The following MAML3 variants were observed in gnomAD, a reference collection of about 807,000 sequenced individuals.
The protein encoded by MAML3 is mastermind-like protein 3.
MAML3 carries 27 observed loss-of-function variants against 101.9 expected under a neutral mutation model. The ratio of observed to expected loss-of-function variants is 0.27; its 90% CI spans 0.20 to 0.37. The LOEUF is 0.37. MAML3 is among the 10% of genes least tolerant of loss of function. The pLI, the probability that MAML3 is intolerant of heterozygous loss-of-function variation, is 1.00. For synonymous variants in MAML3, 501 were observed against 555.9 expected, an observed-to-expected ratio of 0.90 and a Z score of 1.39; for missense variants, 1,316 against 1,444.9, an observed-to-expected ratio of 0.91 and a Z score of 1.45.
chr4:139,981,400 CA>C (rs1264251420), intron 1 of MAML3, among the ~76,000 whole-genome samples: 1 of 152,076 alleles, frequency 6.6e-6, no homozygotes, highest in Non-Finnish European at 1.5e-5. Context: ...ACATTGTGGG[CA>C]GGGGTTGGGA....
chr4:139,744,981 C>G (rs1055563119), intron 2 of MAML3, among the ~76,000 whole-genome samples: 4 of 152,188 alleles, frequency 2.6e-5, no homozygotes, highest in Non-Finnish European at 5.9e-5. Context: ...CTTCAGTATT[C>G]TCCTTTATGA....
intron 1 of MAML3, among the ~76,000 whole-genome samples, chr4:140,019,345 G>T (rs1393122323): frequency 1.3e-5 from 2 of 152,132 alleles, no homozygotes; most frequent in African/African-American, 2.4e-5. Flanking sequence ...ATATTACAAT[G>T]ATCTGTTTAC....
intron 1 of MAML3, among the ~76,000 whole-genome samples, chr4:140,063,506 AG>A (rs1421995968): frequency 2.0e-5 from 3 of 152,220 alleles, no homozygotes; most frequent in Non-Finnish European, 4.4e-5. Context: ...GGGCCCTCTC[AG>A]CACTATCTCT....
chr4:139,717,253 G>GC lies in MAML3; in HGVS notation c.*2069dup, dbSNP rs148633395. On this transcript the variant is annotated 3_prime_UTR_variant, in exon 5 of 5. Transcript: ENST00000509479. ...GAGGAAGCTTTTAAAAGATAATGGA[G>GC]CCCCCCACCCCTGTCTGTCTCACTT... 0.094 allele frequency: 14,286 copies of GC among 152,492 alleles called. 858 individuals are homozygous for GC. Among genetic ancestry groups the GC allele is most frequent in the East Asian group, 0.26 (1,361 of 5,160 alleles). The allele number at this position is 152,492 out of a possible 1,614,324, so 9.4% of individuals were successfully genotyped here. A position where few individuals can be genotyped will look rare whatever the true frequency, so the allele number is the denominator to read the frequency against.
At chr4:140,085,382 C>G (rs1407125119) in intron 1 of MAML3, among the ~76,000 whole-genome samples, 4 of 152,286 alleles carry the variant, frequency 2.6e-5, no homozygotes, top group Non-Finnish European at 5.9e-5. Flanking sequence ...GCGCAGGCCC[C>G]AGGGCACCCT....
intron 1 of MAML3, among the ~76,000 whole-genome samples, chr4:140,066,660 A>C (rs1481965138): frequency 6.6e-6 from 1 of 152,128 alleles, no homozygotes; most frequent in African/African-American, 2.4e-5. Context: ...CTGAAAAATG[A>C]CTCTATTTCC....
chr4:139,796,710 T>C (rs889542667), intron 2 of MAML3, among the ~76,000 whole-genome samples: 4 of 152,302 alleles, frequency 2.6e-5, no homozygotes, highest in Non-Finnish European at 4.4e-5. Context: ...TAATGAACCA[T>C]GAGGTAGAGG....
At chr4:139,936,045 C>CTCCA (rs2110733122) in intron 1 of MAML3, among the ~76,000 whole-genome samples, 1 of 152,264 alleles carries the variant, frequency 6.6e-6, no homozygotes, top group Non-Finnish European at 1.5e-5. Context: ...TTTTCCCCGC[C>CTCCA]TCCCAGCCTC....
chr4:140,140,593 A>G (rs567902970), intron 1 of MAML3, among the ~76,000 whole-genome samples: 12 of 152,320 alleles, frequency 7.9e-5, no homozygotes, highest in Middle Eastern at 3.4e-3. Context: ...CTATGGGCCC[A>G]GCTAAATGGC....
chr4:140,127,304 A>G (rs1728699734), intron 1 of MAML3, among the ~76,000 whole-genome samples: 1 of 152,232 alleles, frequency 6.6e-6, no homozygotes, highest in Admixed American at 6.5e-5. Flanking sequence ...GGGGAGGGGC[A>G]GTAAACCAGA....
intron 1 of MAML3, among the ~76,000 whole-genome samples, chr4:140,074,590 C>T (rs1021252523): frequency 4.6e-5 from 7 of 152,176 alleles, no homozygotes; most frequent in South Asian, 4.1e-4. Flanking sequence ...CAGTCTATTC[C>T]GCATCCCAGC....
Position 139,719,165 on chromosome 4 carries a change from G to T in MAML3, c.*158C>A. 2 of 775,690 alleles carry T rather than the reference G, an allele frequency of 2.6e-6. No homozygotes were observed. Among genetic ancestry groups the T allele is most frequent in the Admixed American group, 3.2e-5 (1 of 31,302 alleles). The allele number at this position is 775,690 out of a possible 1,614,324, so 48.1% of individuals were successfully genotyped here. ...AGGTGAAATGAGGCCTGGTGGGGCTGTGGATTGGCACCTGGATCTTCCATT... is the reference window on the plus strand; with the variant it reads ...AGGTGAAATGAGGCCTGGTGGGGCTTTGGATTGGCACCTGGATCTTCCATT... On this transcript the variant is annotated 3_prime_UTR_variant, in exon 5 of 5. Coordinates refer to ENST00000509479, the MANE Select transcript of MAML3 (RefSeq NM_018717.5).
intron 1 of MAML3, among the ~76,000 whole-genome samples, chr4:140,049,730 A>T (rs536745819): frequency 6.6e-6 from 1 of 152,198 alleles, no homozygotes; most frequent in East Asian, 1.9e-4. Flanking sequence ...GGGGAGAAAG[A>T]TGGTTATCTA....
chr4:139,955,565 C>T (rs1733901600), intron 1 of MAML3, among the ~76,000 whole-genome samples: 2 of 151,990 alleles, frequency 1.3e-5, no homozygotes, highest in South Asian at 4.1e-4. Context: ...CTTTTTTCAT[C>T]ATTCTCAAAA....
chr4:140,132,022 G>A (rs1488756583), intron 1 of MAML3, among the ~76,000 whole-genome samples: 1 of 152,214 alleles, frequency 6.6e-6, no homozygotes, highest in African/African-American at 2.4e-5. Context: ...GTGTATGTGC[G>A]GCAATTGGAT....
chr4:140,060,364 T>TAAAAAAAAAAAAAAAAAA (rs1727423722), intron 1 of MAML3, among the ~76,000 whole-genome samples: 1 of 558 alleles, frequency 1.8e-3, no homozygotes, highest in Non-Finnish European at 0.011. Flanking sequence ...AGACTCTGTC[T>TAAAAAAAAAAAAAAAAAA]CAAAAAAAAA....
intron 1 of MAML3, among the ~76,000 whole-genome samples, chr4:140,052,045 T>C (rs1370094007): frequency 1.3e-5 from 2 of 152,228 alleles, no homozygotes; most frequent in Non-Finnish European, 2.9e-5. Context: ...TTTAAGTTTC[T>C]TACTTTGTGA....
chr4:139,861,267 T>C (rs1731777029), intron 2 of MAML3, among the ~76,000 whole-genome samples: 1 of 152,174 alleles, frequency 6.6e-6, no homozygotes, highest in Admixed American at 6.5e-5. Flanking sequence ...CTTTAAATGT[T>C]GGCATTCCCG....
chr4:139,799,856 C>T (rs1730573604), intron 2 of MAML3, among the ~76,000 whole-genome samples: 1 of 152,120 alleles, frequency 6.6e-6, no homozygotes, highest in African/African-American at 2.4e-5. Context: ...GAGGGGCTCT[C>T]AGTAAACCCT....
Sources: gnomAD v4.1 joint callset for allele counts (sites outside exome capture counted in the v4.1 genomes callset) on GRCh38, gnomAD v4.1.1 for gene constraint, MANE v1.5 for transcripts, NCBI Gene and HGNC (gene_info 2026-07-23, HGNC 2026-07-21) for gene names.